Variants in SLC25A11 observed in about 807,000 individuals in gnomAD.
SLC25A11 encodes mitochondrial 2-oxoglutarate/malate carrier protein.
In SLC25A11, 11 loss-of-function variants were observed where a neutral mutation model predicts 32.7. That is an observed-to-expected ratio of 0.34 (90% confidence interval 0.21 to 0.56). The LOEUF is 0.56. Among genes scored for constraint, SLC25A11 ranks in the 20% least tolerant of loss-of-function variants. The pLI is 0.90. For synonymous variants in SLC25A11, 163 were observed against 168.3 expected (o/e 0.97, Z 0.24); for missense variants, 295 against 426.3 (o/e 0.69, Z 2.71).
At position 4,938,256 on chromosome 17, in the gene SLC25A11, G is replaced by A. The variant is rs564040717; in HGVS notation, c.638-3C>T. ...CAAGATGTTGTCAGAGAAGTAGCCT[G>A]GGGGAGGTGAGGCGGGGGTGGCAGT... On this transcript the variant is annotated splice_region_variant and splice_polypyrimidine_tract_variant and intron_variant, in intron 5 of 7. Coordinates refer to ENST00000225665, the MANE Select transcript of SLC25A11 (RefSeq NM_003562.5). The surrounding 1 kb of genome is among the most constrained non-coding windows in gnomAD (Gnocchi z 7.6). 2 of 1,613,272 alleles carry A rather than the reference G, an allele frequency of 1.2e-6. No individual in the cohort carries two copies. Among genetic ancestry groups the A allele is most frequent in the Admixed American group, 1.7e-5 (1 of 59,872 alleles).
rs1970481727 is a variant in SLC25A11 at position 4,938,319 on chromosome 17, G to A, written c.637+20C>T. The A allele has an allele frequency of 5.0e-6, 8 of 1,613,738 alleles. No homozygotes were observed. The highest frequency in any genetic ancestry group is 1.6e-4 in the Middle Eastern group (1 of 6,062). On this transcript the variant is annotated intron_variant, in intron 5 of 7. Coordinates refer to ENST00000225665, the MANE Select transcript of SLC25A11 (RefSeq NM_003562.5). This position sits in a 1 kb window ranked among gnomAD's most constrained non-coding sequence, Gnocchi z 7.6. ...GGCTCAGGCCAGGCTGGGAACTAAG[G>A]GCCCAGCTCTGGATCTCACCTGAGT...
chr17:4,938,244 G>C lies in SLC25A11; in HGVS notation c.647C>G (p.Ser216Cys), dbSNP rs1970476859. Residue 216 changes from serine (S) to cysteine (C), a missense_variant, in exon 6 of 8, where the codon TCT becomes TGT. Around this residue, in one of 3 missense-constraint regions of SLC25A11, gnomAD observed 142 missense variants for 197.8 expected, o/e 0.72. Coordinates refer to ENST00000225665, the MANE Select transcript of SLC25A11 (RefSeq NM_003562.5). This position sits in a 1 kb window ranked among gnomAD's most constrained non-coding sequence, Gnocchi z 7.6. ...ACAGAAGTGGCACAAGATGTTGTCA[G>C]AGAAGTAGCCTGGGGGAGGTGAGGC... ...KQFLLDSGYF[S>C]DNILCHFCAS... 7 of 1,613,670 alleles carry C rather than the reference G, an allele frequency of 4.3e-6. No homozygotes were observed. The highest frequency in any genetic ancestry group is 5.9e-6 in the Non-Finnish European group (7 of 1,179,758).
rs768952207 is a variant in SLC25A11, at chr17:4,938,400, G to A, written c.576C>T (p.Val192=). The A allele has an allele frequency of 5.0e-6, 8 of 1,614,128 alleles. No homozygotes were observed. Among genetic ancestry groups the A allele is most frequent in the Middle Eastern group, 1.6e-4 (1 of 6,062 alleles). ...RGCIPTMARA[V]VVNAAQLASY... is the part of the protein sequence containing the mutation. ...AGGCGAGCTGGGCAGCATTGACGAC[G>A]ACGGCCCGAGCCATGGTAGGGATGC... is the stretch of plus-strand genomic sequence containing the variant. The change falls in exon 5 of 8, where the codon GTC becomes GTT. Residue 192 remains valine, a synonymous_variant. Coordinates refer to ENST00000225665, the MANE Select transcript of SLC25A11 (RefSeq NM_003562.5). This position sits in a 1 kb window ranked among gnomAD's most constrained non-coding sequence, Gnocchi z 7.6.
chr17:4,939,229 G>T lies in SLC25A11; in HGVS notation c.96-17C>A. The T allele has an allele frequency of 6.3e-7, 1 of 1,596,714 alleles. No individual in the cohort carries two copies. Among genetic ancestry groups the T allele is most frequent in the South Asian group, 1.1e-5 (1 of 90,320 alleles). On this transcript the variant is annotated splice_polypyrimidine_tract_variant and intron_variant, in intron 1 of 7. Coordinates refer to ENST00000225665, the MANE Select transcript of SLC25A11 (RefSeq NM_003562.5). The surrounding 1 kb of genome is among the most constrained non-coding windows in gnomAD (Gnocchi z 4.1). Reference sequence around the variant, plus strand: ...GCTCCCATCCTGGGGGAAGACAGAGGTGGAGTGAAGGGCCAGGCATTCCAG... The same window carrying T: ...GCTCCCATCCTGGGGGAAGACAGAGTTGGAGTGAAGGGCCAGGCATTCCAG...
Position 4,937,884 on chromosome 17 carries a change from T to C in SLC25A11, c.802A>G (p.Lys268Glu). 6.2e-7 allele frequency: 1 copy of C among 1,613,562 alleles called. No homozygotes were observed. The change falls in exon 8 of 8, where the codon AAA (lysine) becomes GAA (glutamate). Residue 268 changes from lysine (K) to glutamate (E), a missense_variant. This residue lies in a region of SLC25A11 where 142 missense variants were observed against 197.8 expected (regional missense o/e 0.72). Transcript: ENST00000225665. Reference sequence around the variant, plus strand: ...AAGAAGCCCTCGTAGCGGACAACTTTGAACAGCACGTCCTAGACACAGACA... The same window carrying C: ...AAGAAGCCCTCGTAGCGGACAACTTCGAACAGCACGTCCTAGACACAGACA... ...EYKNGLDVLFKVVRYEGFFSL... is the reference protein window; with the variant it reads ...EYKNGLDVLFEVVRYEGFFSL...
In SLC25A11 at chr17:4,939,775, T is replaced by G. The variant is rs763336570; in HGVS notation, c.95+41A>C. 9.7e-6 allele frequency: 15 copies of G among 1,542,030 alleles called. No homozygotes were observed. The highest frequency in any genetic ancestry group is 1.3e-5 in the Non-Finnish European group (15 of 1,119,152). On this transcript the variant is annotated intron_variant, in intron 1 of 7. Transcript: ENST00000225665. The surrounding 1 kb of genome is among the most constrained non-coding windows in gnomAD (Gnocchi z 4.1). ...AACCGGGCCCGGTTCCTTTTGCCCT[T>G]CCCTTCCTCCTCTTTTCCCATCCCT...
chr17:4,938,970 G>A lies in SLC25A11; in HGVS notation c.254C>T (p.Ser85Leu). 1.2e-6 allele frequency: 2 copies of A among 1,614,130 alleles called. No individual in the cohort carries two copies. Among genetic ancestry groups the A allele is most frequent in the Non-Finnish European group, 1.7e-6 (2 of 1,180,024 alleles). ...GGTGGCCTGACGCAGCAGGCCAGCCGACAGCCTGAGGAGCAGAGGGGTCAG... is the reference window on the plus strand; with the variant it reads ...GGTGGCCTGACGCAGCAGGCCAGCCAACAGCCTGAGGAGCAGAGGGGTCAG... Reference protein sequence around the residue: ...EGLRGIYTGLSAGLLRQATYT... With the variant: ...EGLRGIYTGLLAGLLRQATYT... The change falls in exon 3 of 8, where the codon TCG (serine) becomes TTG (leucine). Residue 85 changes from serine to leucine, a missense_variant. This residue lies in a region of SLC25A11 where 104 missense variants were observed against 121.5 expected (regional missense o/e 0.86). Transcript: ENST00000225665. The surrounding 1 kb of genome is among the most constrained non-coding windows in gnomAD (Gnocchi z 7.6).
In SLC25A11 at chr17:4,939,808, G is replaced by C. The variant is rs758275574; in HGVS notation, c.95+8C>G. 6.2e-7 allele frequency: 1 copy of C among 1,609,310 alleles called. No homozygotes were observed. Among genetic ancestry groups the C allele is most frequent in the Middle Eastern group, 1.7e-4 (1 of 6,048 alleles). ...TCCTCTTTTCCCATCCCTGGGGCCT[G>C]AGCTTACCCGGCCAGGCCCCCAAAC... On this transcript the variant is annotated splice_region_variant and intron_variant, in intron 1 of 7. Transcript: ENST00000225665. The surrounding 1 kb of genome is among the most constrained non-coding windows in gnomAD (Gnocchi z 4.1).
rs1260667199 is a variant in SLC25A11 at position 4,938,902 on chromosome 17, G to A, written c.322C>T (p.Arg108Cys). 20 of 1,613,956 alleles carry A rather than the reference G, an allele frequency of 1.2e-5. No individual in the cohort carries two copies. Among genetic ancestry groups the A allele is most frequent in the Non-Finnish European group, 1.4e-5 (17 of 1,180,028 alleles). Residue 108 changes from arginine (R) to cysteine (C), a missense_variant, in exon 3 of 8, where the codon CGC (arginine) becomes TGC (cysteine). Physicochemically the swap from Arg to Cys is radical, Grantham distance 180 (BLOSUM62 -3). This residue lies in a region of SLC25A11 where 49 missense variants were observed against 106.9 expected (regional missense o/e 0.46). Coordinates refer to ENST00000225665, the MANE Select transcript of SLC25A11 (RefSeq NM_003562.5). This position sits in a 1 kb window ranked among gnomAD's most constrained non-coding sequence, Gnocchi z 7.6. The stretch of plus-strand genomic sequence containing the variant: ...GGAGTACCATCAGCCCCAGTCAGGC[G>A]CTCAAACAGCACGGTATAGATGCCA... ...RLGIYTVLFE[R>C]LTGADGTPPG...
Position 4,939,392 on chromosome 17 carries a change from C to T in SLC25A11, c.96-180G>A, listed in dbSNP as rs956990292. The T allele has an allele frequency of 1.0e-5, 7 of 694,760 alleles. No individual in the cohort carries two copies. In the African/African-American group the frequency reaches 1.1e-4, roughly 11 times the overall value. 43.0% of individuals were successfully genotyped at this position (694,760 alleles called of 1,614,324 possible). On this transcript the variant is annotated intron_variant, in intron 1 of 7. Coordinates refer to ENST00000225665, the MANE Select transcript of SLC25A11 (RefSeq NM_003562.5). The surrounding 1 kb of genome is among the most constrained non-coding windows in gnomAD (Gnocchi z 4.1). The stretch of plus-strand genomic sequence containing the variant: ...ACCAAGTGCAACGGGTCTGAAAAGT[C>T]TAGTTGTCCAGTAGGGGCCATGCAA...
Position 4,938,262 on chromosome 17 carries a change from G to C in SLC25A11, c.638-9C>G. The C allele has an allele frequency of 1.2e-6, 2 of 1,613,154 alleles. No individual in the cohort carries two copies. Among genetic ancestry groups the C allele is most frequent in the Non-Finnish European group, 1.7e-6 (2 of 1,179,494 alleles). On this transcript the variant is annotated splice_polypyrimidine_tract_variant and intron_variant, in intron 5 of 7. Coordinates refer to ENST00000225665, the MANE Select transcript of SLC25A11 (RefSeq NM_003562.5). The surrounding 1 kb of genome is among the most constrained non-coding windows in gnomAD (Gnocchi z 7.6). The stretch of plus-strand genomic sequence containing the variant: ...GTTGTCAGAGAAGTAGCCTGGGGGA[G>C]GTGAGGCGGGGGTGGCAGTCAGCTC...
At position 4,939,034 on chromosome 17, in the gene SLC25A11, T is replaced by C. The variant is rs1970533742; in HGVS notation, c.248+26A>G. On this transcript the variant is annotated intron_variant, in intron 2 of 7. Coordinates refer to ENST00000225665, the MANE Select transcript of SLC25A11 (RefSeq NM_003562.5). This position sits in a 1 kb window ranked among gnomAD's most constrained non-coding sequence, Gnocchi z 4.1. ...GGTCTAGAGCTGCCAACCCACAGTC[T>C]ACCCTCCATCCTGAGGCCCCAATAC... The C allele has an allele frequency of 6.2e-7, 1 of 1,614,198 alleles. No individual in the cohort carries two copies. Among genetic ancestry groups the C allele is most frequent in the African/African-American group, 1.3e-5 (1 of 75,046 alleles).
chr17:4,939,761 G>A lies in SLC25A11; in HGVS notation c.95+55C>T, dbSNP rs929298744. On this transcript the variant is annotated intron_variant, in intron 1 of 7. Transcript: ENST00000225665. This position sits in a 1 kb window ranked among gnomAD's most constrained non-coding sequence, Gnocchi z 4.1. Reference sequence around the variant, plus strand: ...CAGACCCAGAGATGAACCGGGCCCGGTTCCTTTTGCCCTTCCCTTCCTCCT... The same window carrying A: ...CAGACCCAGAGATGAACCGGGCCCGATTCCTTTTGCCCTTCCCTTCCTCCT... The A allele has an allele frequency of 1.4e-6, 2 of 1,418,190 alleles. No homozygotes were observed. Among genetic ancestry groups the A allele is most frequent in the Non-Finnish European group, 9.9e-7 (1 of 1,011,278 alleles). 87.9% of individuals were successfully genotyped at this position (1,418,190 alleles called of 1,614,324 possible).
Position 4,939,689 on chromosome 17 carries a change from A to C in SLC25A11, c.95+127T>G. The C allele has an allele frequency of 2.6e-6, 2 of 774,558 alleles. No individual in the cohort carries two copies. Among genetic ancestry groups the C allele is most frequent in the African/African-American group, 1.8e-5 (1 of 56,168 alleles). 48.0% of individuals were successfully genotyped at this position (774,558 alleles called of 1,614,324 possible). ...CTAGCAGCCCATCGGGGAACTCGCA[A>C]TACGCTGGAGATCGCGCTGACCCCG... On this transcript the variant is annotated intron_variant, in intron 1 of 7. Coordinates refer to ENST00000225665, the MANE Select transcript of SLC25A11 (RefSeq NM_003562.5). This position sits in a 1 kb window ranked among gnomAD's most constrained non-coding sequence, Gnocchi z 4.1.
At position 4,938,128 on chromosome 17, in the gene SLC25A11, C is replaced by T. The variant is rs1250656809; in HGVS notation, c.737+26G>A. 1 of 1,613,898 alleles carries T rather than the reference C, an allele frequency of 6.2e-7. No homozygotes were observed. The highest frequency in any genetic ancestry group is 8.5e-7 in the Non-Finnish European group (1 of 1,179,882). On this transcript the variant is annotated intron_variant, in intron 6 of 7. Coordinates refer to ENST00000225665, the MANE Select transcript of SLC25A11 (RefSeq NM_003562.5). This position sits in a 1 kb window ranked among gnomAD's most constrained non-coding sequence, Gnocchi z 7.6. ...GACCGAAAGGGCACCCTCCCACCCA[C>T]CTCCAGGCCCAGGCTGCACACTCAC...
rs1284773620 is a variant in SLC25A11 at position 4,937,311 on chromosome 17, C to G, written c.*430G>C. 1 of 155,832 alleles carries G rather than the reference C, an allele frequency of 6.4e-6. No individual in the cohort carries two copies. The highest frequency in any genetic ancestry group is 1.4e-5 in the Non-Finnish European group (1 of 70,700). The allele number at this position is 155,832 out of a possible 1,614,324, so 9.7% of individuals were successfully genotyped here. A position where few individuals can be genotyped will look rare whatever the true frequency, so the allele number is the denominator to read the frequency against. On this transcript the variant is annotated 3_prime_UTR_variant, in exon 8 of 8. Coordinates refer to ENST00000225665, the MANE Select transcript of SLC25A11 (RefSeq NM_003562.5). ...CCCCCCAGACTCTCCAGATTTGGGG[C>G]TGGTGTCATCAATCCAATTTATTAA...
rs1219209530 is a variant in SLC25A11, at chr17:4,937,321, C to T, written c.*420G>A. The T allele has an allele frequency of 6.4e-6, 1 of 156,908 alleles. No individual in the cohort carries two copies. The highest frequency in any genetic ancestry group is 2.4e-5 in the African/African-American group (1 of 41,568). The allele number at this position is 156,908 out of a possible 1,614,324, so 9.7% of individuals were successfully genotyped here. On this transcript the variant is annotated 3_prime_UTR_variant, in exon 8 of 8. Transcript: ENST00000225665. ...TCTCCAGATTTGGGGCTGGTGTCATCAATCCAATTTATTAAGTCCTCAATG... is the reference window on the plus strand; with the variant it reads ...TCTCCAGATTTGGGGCTGGTGTCATTAATCCAATTTATTAAGTCCTCAATG...
Position 4,937,411 on chromosome 17 carries a change from C to T in SLC25A11, c.*330G>A, listed in dbSNP as rs2151110134. 1 of 208,956 alleles carries T rather than the reference C, an allele frequency of 4.8e-6. No homozygotes were observed. Among genetic ancestry groups the T allele is most frequent in the South Asian group, 1.1e-4 (1 of 8,966 alleles). 12.9% of individuals were successfully genotyped at this position (208,956 alleles called of 1,614,324 possible). Reference sequence around the variant, plus strand: ...GACCATCTTGATGGCTTCTGCTCCTCCCTGTCCCCTCAGCTCTGCCTTGGT... The same window carrying T: ...GACCATCTTGATGGCTTCTGCTCCTTCCTGTCCCCTCAGCTCTGCCTTGGT... On this transcript the variant is annotated 3_prime_UTR_variant, in exon 8 of 8. Transcript: ENST00000225665.
chr17:4,938,642 C>T lies in SLC25A11; in HGVS notation c.456-40G>A. On this transcript the variant is annotated intron_variant, in intron 3 of 7. Transcript: ENST00000225665. This position sits in a 1 kb window ranked among gnomAD's most constrained non-coding sequence, Gnocchi z 7.6. ...GAAAGAGGTCAAGATCAGGATTGCC[C>T]ACAGGTGCAAAGAAAGGAAGGCCAG... 6.2e-7 allele frequency: 1 copy of T among 1,604,402 alleles called. No individual in the cohort carries two copies. Among genetic ancestry groups the T allele is most frequent in the Non-Finnish European group, 8.5e-7 (1 of 1,171,496 alleles).
Sources: allele counts gnomAD v4.1 joint callset, GRCh38; gene constraint gnomAD v4.1.1; regional missense constraint gnomAD v4.1.1; non-coding constraint Gnocchi (gnomAD v3.1); transcripts MANE v1.5; gene names NCBI Gene and HGNC (gene_info 2026-07-23, HGNC 2026-07-21).